ADCY9: variants seen among roughly 807,000 people sequenced by gnomAD.
The protein encoded by ADCY9 is adenylate cyclase 9, also known as adenylate cyclase type 9.
In ADCY9, 50 loss-of-function variants were observed where a neutral mutation model predicts 101.5. The ratio of observed to expected loss-of-function variants is 0.49; its 90% CI spans 0.39 to 0.62. The LOEUF is 0.62. Ranked by LOEUF, ADCY9 falls within the 20% of genes least tolerant of loss-of-function variation. The pLI is 0.00. For missense variants in ADCY9, 1,662 were observed against 1,800.4 expected, an observed-to-expected ratio of 0.92 and a Z score of 1.39; for synonymous variants, 905 against 769.3, an observed-to-expected ratio of 1.18 and a Z score of -2.92.
chr16:3,989,282 G>C (rs1269863209), intron 5 of ADCY9, among the ~76,000 whole-genome samples, 186 bp from the exon 6 acceptor site: 1 of 152,064 alleles, frequency 6.6e-6, no homozygotes, highest in Admixed American at 6.6e-5. Flanking sequence ...AAAGTCCTTC[G>C]CACCTCAAAG....
At chr16:4,016,160 G>A (rs143731367) in intron 2 of ADCY9, among the ~76,000 whole-genome samples, 236 of 152,286 alleles carry the variant, frequency 1.5e-3, no homozygotes, top group African/African-American at 5.1e-3. Flanking sequence ...CCCACAAGAA[G>A]AGAGTCATAT....
chr16:4,093,048 G>A (rs2056983260), intron 2 of ADCY9, among the ~76,000 whole-genome samples: 1 of 151,834 alleles, frequency 6.6e-6, no homozygotes. Context: ...ATAACAAGAG[G>A]CAAAAATAAC....
intron 3 of ADCY9, among the ~76,000 whole-genome samples, chr16:4,001,400 C>T (rs554276984): frequency 2.9e-4 from 44 of 152,252 alleles, no homozygotes; most frequent in Admixed American, 2.8e-3. Context: ...TTGGGGTTTG[C>T]GGAAAGAATG....
intron 10 of ADCY9, among the ~76,000 whole-genome samples, chr16:3,969,569 AATATATATATAT>A (rs57260468): frequency 0.31 from 13,980 of 45,198 alleles, 2,264 homozygotes; most frequent in South Asian, 0.52. Flanking sequence ...GTTTGTTTGA[AATATATATATAT>A]ATATATATAT....
At chr16:3,990,515 G>T (rs1326616759) in intron 5 of ADCY9, among the ~76,000 whole-genome samples, 2 of 151,444 alleles carry the variant, frequency 1.3e-5, no homozygotes, top group Non-Finnish European at 1.5e-5. Context: ...AGTGCCTCAT[G>T]TGCCCCCCAC....
intron 2 of ADCY9, among the ~76,000 whole-genome samples, chr16:4,094,285 A>G (rs950560038): frequency 1.3e-5 from 2 of 152,112 alleles, no homozygotes; most frequent in Non-Finnish European, 2.9e-5. Context: ...TCGGAATCAC[A>G]CTTTCTCTGT....
chr16:4,111,114 T>C (rs967875602), intron 2 of ADCY9, among the ~76,000 whole-genome samples: 3 of 152,214 alleles, frequency 2.0e-5, no homozygotes, highest in African/African-American at 7.2e-5. Flanking sequence ...TTCGGATAAA[T>C]TTGAATGAGA....
chr16:4,084,296 G>C (rs1016702834), intron 2 of ADCY9, among the ~76,000 whole-genome samples: 8 of 151,902 alleles, frequency 5.3e-5, no homozygotes, highest in Non-Finnish European at 1.0e-4. Context: ...ATTTTTAGTA[G>C]AGACAGGGTT....
chr16:4,074,732 T>A (rs866138129), intron 2 of ADCY9, among the ~76,000 whole-genome samples: 1,520 of 84,624 alleles, frequency 0.018, 30 homozygotes, highest in Middle Eastern at 0.071. Context: ...AAAAAAAAAA[T>A]AGAAAACACA....
At position 3,976,468 on chromosome 16, in the gene ADCY9, C is replaced by G. The variant is rs1250325640; in HGVS notation, c.2828+1014G>C. Among the ~76,000 whole-genome samples, 7 of 152,280 alleles carry G rather than the reference C, an allele frequency of 4.6e-5. No homozygotes were observed. In the East Asian group the frequency reaches 1.4e-3, roughly 29 times the overall value. On this transcript the variant is annotated intron_variant, in intron 9 of 10. Transcript: ENST00000294016. ...GAGAACTGGGCTTGTCCCCAGAGGT[C>G]TACCGGCCTCCCTGACTCCTGTTTC...
At chr16:4,017,109 A>G (rs1208281834) in intron 2 of ADCY9, among the ~76,000 whole-genome samples, 1 of 151,442 alleles carries the variant, frequency 6.6e-6, no homozygotes, top group Non-Finnish European at 1.5e-5. Flanking sequence ...GGCTGCAGTG[A>G]GCTATGACTG....
chr16:4,024,035 T>C (rs1161422318), intron 2 of ADCY9, among the ~76,000 whole-genome samples: 1 of 152,024 alleles, frequency 6.6e-6, no homozygotes, highest in Non-Finnish European at 1.5e-5. Flanking sequence ...TTTTTTTTTT[T>C]CTCTTGAGAC....
At chr16:4,092,999 C>T (rs1458446009) in intron 2 of ADCY9, among the ~76,000 whole-genome samples, 2 of 151,964 alleles carry the variant, frequency 1.3e-5, no homozygotes, top group Non-Finnish European at 1.5e-5. Context: ...GCAAAGATTC[C>T]TATTTTTATA....
At chr16:3,975,686 T>C (rs924270742) in intron 9 of ADCY9, among the ~76,000 whole-genome samples, 1 of 152,228 alleles carries the variant, frequency 6.6e-6, no homozygotes, top group Non-Finnish European at 1.5e-5. Context: ...AAATGTCCCA[T>C]GTGACTTTAA....
intron 2 of ADCY9, among the ~76,000 whole-genome samples, chr16:4,065,665 G>A (rs893086832): frequency 3.9e-5 from 6 of 152,148 alleles, no homozygotes; most frequent in East Asian, 1.9e-4. Context: ...TCCACCTCCC[G>A]GATTTAAGCA....
intron 2 of ADCY9, 96 bp from the exon 3 acceptor site, chr16:4,007,654 A>C (rs780073310): frequency 3.8e-6 from 4 of 1,045,426 alleles, no homozygotes; most frequent in Non-Finnish European, 5.5e-6. Context: ...CACTCCTGGA[A>C]AGTTGAGAGT....
At chr16:3,996,482 T>A (rs915000999) in intron 3 of ADCY9, among the ~76,000 whole-genome samples, 14 of 152,140 alleles carry the variant, frequency 9.2e-5, no homozygotes, top group African/African-American at 3.4e-4. Context: ...TACCCATGCC[T>A]AAAAGATGCC....
chr16:3,988,453 GTTCCCTTCCAGGGCAGGTGTGGGGGA>G (rs776522782), intron 6 of ADCY9, among the ~76,000 whole-genome samples: 1,987 of 92,708 alleles, frequency 0.021, 53 homozygotes, highest in Non-Finnish European at 0.036. Flanking sequence ...CAGGTGGGGG[GTTCCCTTCCAGGGCAGGTGTGGGGGA>G]TTCCCTTCCA....
intron 5 of ADCY9, among the ~76,000 whole-genome samples, chr16:3,991,763 TAA>T (rs55746006): frequency 0.035 from 3,181 of 91,256 alleles, 80 homozygotes; most frequent in African/African-American, 0.13. Flanking sequence ...CTAGTCCTTA[TAA>T]AAAAAAAAAA....
Sources: gnomAD v4.1 joint callset for allele counts (sites outside exome capture counted in the v4.1 genomes callset) on GRCh38, gnomAD v4.1.1 for gene constraint, MANE v1.5 for transcripts, NCBI Gene and HGNC (gene_info 2026-07-23, HGNC 2026-07-21) for gene names.